Variants in SH3GLB2 observed in about 807,000 individuals in gnomAD.
SH3GLB2 encodes the protein SH3 domain containing GRB2 like, endophilin B2, also known as endophilin-B2.
SH3GLB2 carries 24 observed loss-of-function variants against 48.0 expected under a neutral mutation model. The ratio of observed to expected loss-of-function variants is 0.50; its 90% CI spans 0.36 to 0.70. SH3GLB2 has a LOEUF of 0.70. Among genes scored for constraint, SH3GLB2 ranks in the 30% least tolerant of loss-of-function variants. SH3GLB2 has a pLI of 0.00. For synonymous variants in SH3GLB2, 227 were observed against 207.6 expected (o/e 1.09, Z -0.80); for missense variants, 425 against 516.0 (o/e 0.82, Z 1.71).
At chr9:129,021,321 C>CTTCCAGTATT in intron 2 of SH3GLB2, 102 bp from the exon 3 acceptor site, 1 of 1,381,654 alleles carries the variant, frequency 7.2e-7, no homozygotes, top group Non-Finnish European at 9.6e-7. Flanking sequence ...GTGCACCTGG[C>CTTCCAGTATT]CTGCTGACTT....
rs370511949 is a variant in SH3GLB2 at position 129,018,374 on chromosome 9, A to G, written c.334+2717T>C. Among the ~76,000 whole-genome samples, 15 of 151,834 alleles carry G rather than the reference A, an allele frequency of 9.9e-5. No homozygotes were observed. In the East Asian group the frequency reaches 1.9e-3, roughly 20 times the overall value. On this transcript the variant is annotated intron_variant, in intron 3 of 10. Coordinates refer to ENST00000372564, the MANE Select transcript of SH3GLB2 (RefSeq NM_020145.4). Reference sequence around the variant, plus strand: ...GGGCGGATCACAAGGTCAGGAGTTCAAGACCAGCCTGGCCAACATGGTGAG... The same window carrying G: ...GGGCGGATCACAAGGTCAGGAGTTCGAGACCAGCCTGGCCAACATGGTGAG...
In SH3GLB2 at chr9:129,028,120, G is replaced by A. The variant is rs1844272558; in HGVS notation, c.35C>T (p.Ala12Val). 2.0e-6 allele frequency: 3 copies of A among 1,498,282 alleles called. No individual in the cohort carries two copies. Among genetic ancestry groups the A allele is most frequent in the Non-Finnish European group, 2.7e-6 (3 of 1,126,402 alleles). 92.8% of individuals were successfully genotyped at this position (1,498,282 alleles called of 1,614,324 possible). The stretch of plus-strand genomic sequence containing the variant: ...CACCGCCCGGGTGAAGAAGATGCCC[G>A]CGTCCGACGCCAGCTTCTTCATGTT... ...DFNMKKLASDAGIFFTRAVQF... is the reference protein window; with the variant it reads ...DFNMKKLASDVGIFFTRAVQF... The change falls in exon 1 of 11, where the codon GCG (alanine) becomes GTG (valine). Residue 12 changes from alanine to valine, a missense_variant. Ala to Val is a moderately conservative substitution (Grantham distance 64). Transcript: ENST00000372564.
rs561067106 is a variant in SH3GLB2, at chr9:129,021,955, C to G, written c.205+327G>C. 2.4e-3 allele frequency among the ~76,000 whole-genome samples: 357 copies of G among 147,128 alleles called. 1 individual carries two copies. The highest frequency in any genetic ancestry group is 3.9e-3 in the Non-Finnish European group (262 of 66,822). On this transcript the variant is annotated intron_variant, in intron 2 of 10. Transcript: ENST00000372564. ...GAATGGGTGACAGAGCAAGACTCCA[C>G]CTCAAAAAAAAAAAAAAAAAAACCA...
chr9:129,010,703 C>T lies in SH3GLB2; in HGVS notation c.625-10G>A, dbSNP rs115393689. ...CTTCATCATTCCAGAGCTGTGGAGA[C>T]GGCAGCAGGAGTGGCCAGCAGGGGA... On this transcript the variant is annotated splice_polypyrimidine_tract_variant and intron_variant, in intron 6 of 10. Transcript: ENST00000372564. The T allele has an allele frequency of 8.5e-4, 1,375 of 1,613,908 alleles. 6 individuals are homozygous for T. In the African/African-American group the frequency reaches 0.014, roughly 16 times the overall value.
At chr9:129,023,885 C>T (rs1416393286) in intron 1 of SH3GLB2, among the ~76,000 whole-genome samples, 2 of 152,164 alleles carry the variant, frequency 1.3e-5, no homozygotes, top group Non-Finnish European at 1.5e-5. Flanking sequence ...AAAATGAGAC[C>T]TTCCAGAGCA....
rs770499486 is a variant in SH3GLB2 at position 129,014,747 on chromosome 9, G to T, written c.468+24C>A. On this transcript the variant is annotated intron_variant, in intron 4 of 10. Coordinates refer to ENST00000372564, the MANE Select transcript of SH3GLB2 (RefSeq NM_020145.4). The surrounding 1 kb of genome is among the most constrained non-coding windows in gnomAD (Gnocchi z 4.1). ...AGGGAACTGCCATGGTTACCAGGAA[G>T]CGGAATAGTCCCAGGGCCCTCACCG... 1.2e-6 allele frequency: 2 copies of T among 1,604,490 alleles called. No homozygotes were observed. Among genetic ancestry groups the T allele is most frequent in the African/African-American group, 1.3e-5 (1 of 74,428 alleles).
In SH3GLB2 at chr9:129,013,699, A is replaced by T. The variant is rs567158290; in HGVS notation, c.561+712T>A. On this transcript the variant is annotated intron_variant, in intron 5 of 10. Coordinates refer to ENST00000372564, the MANE Select transcript of SH3GLB2 (RefSeq NM_020145.4). ...GGCAGCCACAGGTAGCCATCTCCCT[A>T]GTAGGCCTGGGCCTGGGAGTTCCCT... 5 of 197,632 alleles carry T rather than the reference A, an allele frequency of 2.5e-5. No individual in the cohort carries two copies. The South Asian group carries it at 3.9e-4, about 15-fold the overall frequency. 12.2% of individuals were successfully genotyped at this position (197,632 alleles called of 1,614,324 possible). A position where few individuals can be genotyped will look rare whatever the true frequency, so the allele number is the denominator to read the frequency against.
chr9:129,009,748 G>C, intron 9 of SH3GLB2, 23 bp downstream of exon 9: 42 of 1,600,076 alleles, frequency 2.6e-5, no homozygotes, highest in Non-Finnish European at 3.5e-5. Context: ...GCCCCAGTGG[G>C]TTCAGCAGTG....
Position 129,013,861 on chromosome 9 carries a change from C to A in SH3GLB2, c.561+550G>T, listed in dbSNP as rs770879632. On this transcript the variant is annotated intron_variant, in intron 5 of 10. Coordinates refer to ENST00000372564, the MANE Select transcript of SH3GLB2 (RefSeq NM_020145.4). ...ACTGTCCCAGGCTGCGTCCCATTGA[C>A]CCAGCCAGGCTGAACAGGCCTCAGT... 6 of 348,774 alleles carry A rather than the reference C, an allele frequency of 1.7e-5. No homozygotes were observed. The East Asian group carries it at 4.8e-4, about 28-fold the overall frequency. 21.6% of individuals were successfully genotyped at this position (348,774 alleles called of 1,614,324 possible). A position where few individuals can be genotyped will look rare whatever the true frequency, so the allele number is the denominator to read the frequency against.
chr9:129,010,550 TA>T, intron 7 of SH3GLB2, 119 bp downstream of exon 7: 1 of 1,165,668 alleles, frequency 8.6e-7, no homozygotes, highest in Admixed American at 1.9e-5. Flanking sequence ...GGGAAAGCAG[TA>T]ACCCCTCCCC....
At chr9:129,020,818 C>T (rs1437853403) in intron 3 of SH3GLB2, among the ~76,000 whole-genome samples, 2 of 151,386 alleles carry the variant, frequency 1.3e-5, no homozygotes, top group Non-Finnish European at 2.9e-5. Flanking sequence ...TGCAGTGAGC[C>T]GAGATCACGC....
At chr9:129,015,060 A>G (rs1366553096) in intron 3 of SH3GLB2, among the ~76,000 whole-genome samples, 156 bp from the exon 4 acceptor site, 2 of 152,208 alleles carry the variant, frequency 1.3e-5, no homozygotes, top group Non-Finnish European at 2.9e-5. Flanking sequence ...CCTACACTAC[A>G]CCATCAACTG....
chr9:129,011,030 T>C lies in SH3GLB2; in HGVS notation c.625-337A>G, dbSNP rs1026738022. ...TGACTGCTGGCTCAGGCTGCTGGGC[T>C]GGGCGGCAGAACTGTGTGACCCTGG... On this transcript the variant is annotated intron_variant, in intron 6 of 10. Coordinates refer to ENST00000372564, the MANE Select transcript of SH3GLB2 (RefSeq NM_020145.4). This position sits in a 1 kb window ranked among gnomAD's most constrained non-coding sequence, Gnocchi z 4.5. 5.6e-5 allele frequency: 21 copies of C among 374,674 alleles called. No homozygotes were observed. The highest frequency in any genetic ancestry group is 4.0e-4 in the African/African-American group (19 of 48,060). The allele number at this position is 374,674 out of a possible 1,614,324, so 23.2% of individuals were successfully genotyped here.
chr9:129,015,794 G>T (rs1402835983), intron 3 of SH3GLB2: 2 of 304,464 alleles, frequency 6.6e-6, no homozygotes, highest in Non-Finnish European at 1.4e-5. Flanking sequence ...GAACCCAGGA[G>T]TTTGAGGCTA....
At chr9:129,012,865 AG>A in intron 5 of SH3GLB2, 1 of 1,005,382 alleles carries the variant, frequency 9.9e-7, no homozygotes, top group Non-Finnish European at 1.5e-6. Context: ...CCTAAACCAG[AG>A]GCCCTGCACA....
Position 129,013,098 on chromosome 9 carries a change from GC to G in SH3GLB2, c.562-801del, listed in dbSNP as rs1005956238. The G allele has an allele frequency of 3.3e-6, 5 of 1,508,298 alleles. No homozygotes were observed. The African/African-American group carries it at 4.2e-5, about 13-fold the overall frequency. 93.4% of individuals were successfully genotyped at this position (1,508,298 alleles called of 1,614,324 possible). A position where few individuals can be genotyped will look rare whatever the true frequency, so the allele number is the denominator to read the frequency against. On this transcript the variant is annotated intron_variant, in intron 5 of 10. Coordinates refer to ENST00000372564, the MANE Select transcript of SH3GLB2 (RefSeq NM_020145.4). ...GAGTCCACAGCGCAGGCAGGAGCAGGCCCCCCAGGCCCCAGTGGGAGGGGAC... is the reference window on the plus strand; with the variant it reads ...GAGTCCACAGCGCAGGCAGGAGCAGGCCCCCAGGCCCCAGTGGGAGGGGAC...
At chr9:129,023,098 G>A (rs539448937) in intron 1 of SH3GLB2, among the ~76,000 whole-genome samples, 16 of 152,302 alleles carry the variant, frequency 1.1e-4, no homozygotes, top group African/African-American at 3.6e-4. Flanking sequence ...AGGCTGGGTC[G>A]GCTACAGTGC....
rs1304145718 is a variant in SH3GLB2 at position 129,028,268 on chromosome 9, A to ACCCGCCTGCCGGCCTG, written c.-130_-115dup. ...GCTGCGGGGCACCAGCCCTCCGCGC[A>ACCCGCCTGCCGGCCTG]CCCGCCTGCCGGCCTGCCCGCCTGC... On this transcript the variant is annotated 5_prime_UTR_variant, in exon 1 of 11. Coordinates refer to ENST00000372564, the MANE Select transcript of SH3GLB2 (RefSeq NM_020145.4). 2.3e-5 allele frequency: 15 copies of ACCCGCCTGCCGGCCTG among 658,368 alleles called. No homozygotes were observed. The highest frequency in any genetic ancestry group is 1.5e-4 in the African/African-American group (7 of 46,080). 40.8% of individuals were successfully genotyped at this position (658,368 alleles called of 1,614,324 possible).
chr9:129,010,494 T>C (rs1843050413), intron 7 of SH3GLB2, 176 bp downstream of exon 7: 1 of 719,806 alleles, frequency 1.4e-6, no homozygotes, highest in Non-Finnish European at 2.4e-6. Context: ...TACAGGGTAC[T>C]GTGGAGAAAA....
Sources: gnomAD v4.1 joint callset for allele counts (sites outside exome capture counted in the v4.1 genomes callset) on GRCh38, gnomAD v4.1.1 for gene constraint, Gnocchi (gnomAD v3.1) non-coding constraint, MANE v1.5 for transcripts, NCBI Gene and HGNC (gene_info 2026-07-23, HGNC 2026-07-21) for gene names.